Variants in NFATC4 observed in about 807,000 individuals in gnomAD.
NFATC4 encodes nuclear factor of activated T cells 4, also known as nuclear factor of activated T-cells, cytoplasmic 4.
Under a neutral mutation model 73.4 loss-of-function variants are expected in NFATC4, and 25 were observed. The observed-to-expected ratio is 0.34, with a 90% confidence interval of 0.25 to 0.48. The LOEUF (loss-of-function observed/expected upper bound fraction) is 0.48, where lower values mean the gene tolerates loss of function less well. Ranked by LOEUF, NFATC4 falls within the 20% of genes least tolerant of loss-of-function variation. NFATC4 has a pLI of 0.99. For synonymous variants in NFATC4, 523 were observed against 510.3 expected (o/e 1.02, Z -0.34); for missense variants, 1,130 against 1,203.7 (o/e 0.94, Z 0.91).
chr14:24,372,449 C>A lies in NFATC4; in HGVS notation c.1205C>A (p.Ala402Asp). 1 of 1,613,442 alleles carries A rather than the reference C, an allele frequency of 6.2e-7. No individual in the cohort carries two copies. The highest frequency in any genetic ancestry group is 8.5e-7 in the Non-Finnish European group (1 of 1,180,020). ...TCTTCTCTCCCACCCAGGACCTCTG[C>A]CCTACCCCCACTGGACTGGCCTCTG... is the stretch of plus-strand genomic sequence containing the variant. ...GGHSPIFRTSALPPLDWPLPS... is the reference protein window; with the variant it reads ...GGHSPIFRTSDLPPLDWPLPS... The change falls in exon 3 of 10, where the codon GCC (alanine) becomes GAC (aspartate). Residue 402 changes from alanine (A) to aspartate (D), a missense_variant. Physicochemically the swap from Ala to Asp is moderately radical, Grantham distance 126. Coordinates refer to ENST00000250373, the MANE Select transcript of NFATC4 (RefSeq NM_004554.5).
chr14:24,369,293 C>A, intron 1 of NFATC4: 1 of 1,563,286 alleles, frequency 6.4e-7, no homozygotes, highest in East Asian at 2.3e-5. Context: ...GATCCAGGGG[C>A]CAGTGGGCAA....
chr14:24,370,515 G>A lies in NFATC4; in HGVS notation c.1117G>A (p.Ala373Thr), dbSNP rs778071519. Residue 373 changes from alanine (A) to threonine (T), a missense_variant, in exon 2 of 10, where the codon GCT becomes ACT. Physicochemically the swap from Ala to Thr is moderately conservative, Grantham distance 58. Around this residue, in one of 3 missense-constraint regions of NFATC4, gnomAD observed 585 missense variants for 574.3 expected, o/e 1.02. Transcript: ENST00000250373. ...APPGGSRKEV[A>T]GMDYLAVPSP... The stretch of plus-strand genomic sequence containing the variant: ...TCCAGGAGGTTCCCGGAAGGAGGTG[G>A]CTGGCATGGACTACCTGGCAGTGCC... 1 of 1,614,166 alleles carries A rather than the reference G, an allele frequency of 6.2e-7. No homozygotes were observed. The highest frequency in any genetic ancestry group is 1.1e-5 in the South Asian group (1 of 91,084).
chr14:24,370,357 C>T lies in NFATC4; in HGVS notation c.959C>T (p.Ala320Val). 6.2e-7 allele frequency: 1 copy of T among 1,613,714 alleles called. No homozygotes were observed. The change falls in exon 2 of 10, where the codon GCC becomes GTC. Residue 320 changes from alanine (A) to valine (V), a missense_variant. By Grantham distance (64) the Ala-to-Val change is moderately conservative (BLOSUM62 0). This residue lies in a region of NFATC4 where 585 missense variants were observed against 574.3 expected (regional missense o/e 1.02). Transcript: ENST00000250373. ...CCTGGTCCCTTTGACTATGTGGGGG[C>T]CCCACCAGCTGAGAGCATCCCTCAG... ...GSPGPFDYVG[A>V]PPAESIPQKT...
In NFATC4 at chr14:24,373,123, T is replaced by G; in HGVS notation, c.1360-48T>G. 61 of 1,569,466 alleles carry G rather than the reference T, an allele frequency of 3.9e-5. No homozygotes were observed. The highest frequency in any genetic ancestry group is 5.1e-5 in the Non-Finnish European group (58 of 1,141,618). The stretch of plus-strand genomic sequence containing the variant: ...TGAAAATCTAGGGATGAATAAAGGA[T>G]GAGACGGTGGGGATTTCAATGAGGT... On this transcript the variant is annotated intron_variant, in intron 3 of 9. Coordinates refer to ENST00000250373, the MANE Select transcript of NFATC4 (RefSeq NM_004554.5). The surrounding 1 kb of genome is among the most constrained non-coding windows in gnomAD (Gnocchi z 4.7).
Position 24,373,021 on chromosome 14 carries a change from C to T in NFATC4, c.1360-150C>T. On this transcript the variant is annotated intron_variant, in intron 3 of 9. Coordinates refer to ENST00000250373, the MANE Select transcript of NFATC4 (RefSeq NM_004554.5). The surrounding 1 kb of genome is among the most constrained non-coding windows in gnomAD (Gnocchi z 4.7). ...TGAACTCCAGGCCATGTTTTCTCCACAACGGGTGCCCAGTTCCCCAAGGGA... is the reference window on the plus strand; with the variant it reads ...TGAACTCCAGGCCATGTTTTCTCCATAACGGGTGCCCAGTTCCCCAAGGGA... 7.6e-6 allele frequency: 6 copies of T among 784,364 alleles called. No individual in the cohort carries two copies. The highest frequency in any genetic ancestry group is 8.0e-6 in the Non-Finnish European group (4 of 501,864). 48.6% of individuals were successfully genotyped at this position (784,364 alleles called of 1,614,324 possible).
Position 24,373,797 on chromosome 14 carries a change from C to A in NFATC4, c.1662C>A (p.Phe554Leu). The A allele has an allele frequency of 6.2e-7, 1 of 1,614,124 alleles. No individual in the cohort carries two copies. The highest frequency in any genetic ancestry group is 8.5e-7 in the Non-Finnish European group (1 of 1,180,042). The change falls in exon 5 of 10, where the codon TTC (phenylalanine) becomes TTA (leucine). Residue 554 changes from phenylalanine (F) to leucine (L), a missense_variant. Around this residue, in one of 3 missense-constraint regions of NFATC4, gnomAD observed 155 missense variants for 221.2 expected, o/e 0.70. Coordinates refer to ENST00000250373, the MANE Select transcript of NFATC4 (RefSeq NM_004554.5). This position sits in a 1 kb window ranked among gnomAD's most constrained non-coding sequence, Gnocchi z 4.7. ...GRKNTRVRLV[F>L]RVHVPQGGGK... ...AAAACACACGTGTACGGCTGGTGTT[C>A]CGGGTACACGTGCCCCAGGGCGGCG...
intron 2 of NFATC4, 69 bp from the exon 3 acceptor site, chr14:24,372,371 TC>T: frequency 1.3e-6 from 2 of 1,521,246 alleles, no homozygotes; most frequent in Non-Finnish European, 1.8e-6. Flanking sequence ...CCCTCCTCCC[TC>T]ACAGATCCAG....
intron 3 of NFATC4, 67 bp downstream of exon 3, chr14:24,372,670 C>T (rs1047931672): frequency 1.9e-6 from 3 of 1,584,212 alleles, no homozygotes; most frequent in Admixed American, 1.7e-5. Context: ...TATGCAGACA[C>T]ATGGCACTGC....
At chr14:24,367,230 C>A (rs763522304), upstream of NFATC4, 3 of 1,613,590 alleles carry the variant, frequency 1.9e-6, no homozygotes, top group South Asian at 2.2e-5. Context: ...AGGTGTCCAG[C>A]CTGTTGGGGG....
chr14:24,369,674 G>A lies in NFATC4; in HGVS notation c.276G>A (p.Ser92=), dbSNP rs369913409. ...PGTWESQPAR[S]VRLGGPGGGA... is the part of the protein sequence containing the mutation. The stretch of plus-strand genomic sequence containing the variant: ...CCTGGGAGAGCCAGCCCGCCAGGTC[G>A]GTGAGGCTGGGAGGACCAGGAGGGG... The change falls in exon 2 of 10, where the codon TCG becomes TCA. Residue 92 remains serine (S), a synonymous_variant. Coordinates refer to ENST00000250373, the MANE Select transcript of NFATC4 (RefSeq NM_004554.5). 6 of 1,612,766 alleles carry A rather than the reference G, an allele frequency of 3.7e-6. No homozygotes were observed. The African/African-American group carries it at 5.3e-5, about 14-fold the overall frequency.
At chr14:24,369,029 A>G (rs2042387689) in intron 1 of NFATC4, 3 of 1,231,776 alleles carry the variant, frequency 2.4e-6, no homozygotes, top group Non-Finnish European at 3.1e-6. Flanking sequence ...GGAGAGAGGG[A>G]GGAGCCACCT....
rs1426162054 is a variant in NFATC4, at chr14:24,376,245, G to C, written c.2057-49G>C. 6.4e-7 allele frequency: 1 copy of C among 1,558,722 alleles called. No individual in the cohort carries two copies. On this transcript the variant is annotated intron_variant, in intron 8 of 9. Coordinates refer to ENST00000250373, the MANE Select transcript of NFATC4 (RefSeq NM_004554.5). This position sits in a 1 kb window ranked among gnomAD's most constrained non-coding sequence, Gnocchi z 5.0. The stretch of plus-strand genomic sequence containing the variant: ...GCAGCTGGAAGGTGTGCAGTGGGGA[G>C]ACTACCAGACCTCTCACCAGCATGT...
In NFATC4 at chr14:24,374,445, G is replaced by T. The variant is rs1427673572; in HGVS notation, c.1852G>T (p.Val618Leu). The T allele has an allele frequency of 6.2e-7, 1 of 1,613,800 alleles. No individual in the cohort carries two copies. Among genetic ancestry groups the T allele is most frequent in the African/African-American group, 1.3e-5 (1 of 75,058 alleles). ...CAACTTCCTGCCAGACTCCAAGGTG[G>T]TGTTCATTGAGAGGGGTCCTGGTGA... is the stretch of plus-strand genomic sequence containing the variant. ...GSNFLPDSKVVFIERGPDGKL... is the reference protein window; with the variant it reads ...GSNFLPDSKVLFIERGPDGKL... The change falls in exon 6 of 10, where the codon GTG becomes TTG. Residue 618 changes from valine to leucine, a missense_variant. By Grantham distance (32) the Val-to-Leu change is conservative. Coordinates refer to ENST00000250373, the MANE Select transcript of NFATC4 (RefSeq NM_004554.5).
Position 24,368,413 on chromosome 14 carries a change from C to G in NFATC4, c.73C>G (p.Pro25Ala), listed in dbSNP as rs768901573. Residue 25 changes from proline (P) to alanine (A), a missense_variant, in exon 1 of 10, where the codon CCG (proline) becomes GCG (alanine). Transcript: ENST00000250373. ...GTTCGGGGAGGAAAAGGAGGCCCCC[C>G]CGCTGGGCGCGGGGGGATTGGGGGA... ...LVFGEEKEAP[P>A]LGAGGLGEEL... 15 of 1,348,032 alleles carry G rather than the reference C, an allele frequency of 1.1e-5. No homozygotes were observed. The highest frequency in any genetic ancestry group is 6.1e-5 in the African/African-American group (4 of 65,520). 83.5% of individuals were successfully genotyped at this position (1,348,032 alleles called of 1,614,324 possible).
intron 1 of NFATC4, 161 bp from the exon 2 acceptor site, chr14:24,369,338 T>C: frequency 6.3e-7 from 1 of 1,597,304 alleles, no homozygotes; most frequent in South Asian, 1.1e-5. Context: ...TCCTCCATCT[T>C]CCCAGGTCCA....
Position 24,376,745 on chromosome 14 carries a change from T to C in NFATC4, c.2508T>C (p.Pro836=), listed in dbSNP as rs2042634919. Residue 836 remains proline, a synonymous_variant, in exon 9 of 10, where the codon CCT becomes CCC. Coordinates refer to ENST00000250373, the MANE Select transcript of NFATC4 (RefSeq NM_004554.5). The surrounding 1 kb of genome is among the most constrained non-coding windows in gnomAD (Gnocchi z 5.0). Reference sequence around the variant, plus strand: ...CCCAGAGTGATGTGCATCCCCTACCTGCTGAGGGATACAATAAGGTAGGGC... The same window carrying C: ...CCCAGAGTGATGTGCATCCCCTACCCGCTGAGGGATACAATAAGGTAGGGC... The part of the protein sequence containing the change: ...FPSQSDVHPL[P]AEGYNKVGPG... 6.2e-7 allele frequency: 1 copy of C among 1,613,870 alleles called. No homozygotes were observed. The highest frequency in any genetic ancestry group is 2.2e-5 in the East Asian group (1 of 44,862).
rs1364117151 is a variant in NFATC4 at position 24,372,558 on chromosome 14, C to G, written c.1314C>G (p.Ser438Arg). 6.2e-7 allele frequency: 1 copy of G among 1,613,990 alleles called. No homozygotes were observed. The highest frequency in any genetic ancestry group is 1.1e-5 in the South Asian group (1 of 91,090). ...GGGCCCACTATGAGACAGAAGGCAGCCGTGGAGCTGTCAAAGCTGCCCCTG... is the reference window on the plus strand; with the variant it reads ...GGGCCCACTATGAGACAGAAGGCAGGCGTGGAGCTGTCAAAGCTGCCCCTG... ...HHRAHYETEGSRGAVKAAPGG... is the reference protein window; with the variant it reads ...HHRAHYETEGRRGAVKAAPGG... The change falls in exon 3 of 10, where the codon AGC becomes AGG. Residue 438 changes from serine to arginine, a missense_variant. Coordinates refer to ENST00000250373, the MANE Select transcript of NFATC4 (RefSeq NM_004554.5).
chr14:24,375,759 G>GCCGCCCC, intron 7 of NFATC4, 44 bp downstream of exon 7: 4 of 617,000 alleles, frequency 6.5e-6, no homozygotes, highest in Non-Finnish European at 1.2e-5. Flanking sequence ...GGGGGTGGGA[G>GCCGCCCC]AAGGCAGGGG....
In NFATC4 at chr14:24,373,136, A is replaced by T. The variant is rs1361685654; in HGVS notation, c.1360-35A>T. The T allele has an allele frequency of 6.2e-6, 10 of 1,601,074 alleles. No homozygotes were observed. The African/African-American group carries it at 1.3e-4, about 21-fold the overall frequency. On this transcript the variant is annotated intron_variant, in intron 3 of 9. Coordinates refer to ENST00000250373, the MANE Select transcript of NFATC4 (RefSeq NM_004554.5). The surrounding 1 kb of genome is among the most constrained non-coding windows in gnomAD (Gnocchi z 4.7). ...ATGAATAAAGGATGAGACGGTGGGG[A>T]TTTCAATGAGGTGGCCGCTCTCTCC...
Sources: allele counts gnomAD v4.1 joint callset, GRCh38; gene constraint gnomAD v4.1.1; regional missense constraint gnomAD v4.1.1; non-coding constraint Gnocchi (gnomAD v3.1); transcripts MANE v1.5; gene names NCBI Gene and HGNC (gene_info 2026-07-23, HGNC 2026-07-21).